Variants in FAM149A observed in about 807,000 individuals in gnomAD.
FAM149A encodes protein FAM149A.
FAM149A carries 71 observed loss-of-function variants against 78.2 expected under a neutral mutation model. The observed-to-expected ratio is 0.91, with a 90% CI of 0.75 to 1.11. The LOEUF (loss-of-function observed/expected upper bound fraction) is 1.11, where lower values mean the gene tolerates loss of function less well. Among genes scored for constraint, FAM149A ranks in the 50% least tolerant of loss-of-function variants. FAM149A has a pLI of 0.00. For missense variants in FAM149A, 1,036 were observed against 971.0 expected (o/e 1.07, Z -0.89); for synonymous variants, 446 against 410.5 (o/e 1.09, Z -1.04).
intron 1 of FAM149A, among the ~76,000 whole-genome samples, chr4:186,108,495 T>C (rs968807956): frequency 1.3e-5 from 2 of 152,156 alleles, no homozygotes; most frequent in Admixed American, 6.5e-5. Context: ...TTTAGAGGCT[T>C]TTTTCCAAGC....
At position 186,152,012 on chromosome 4, in the gene FAM149A, G is replaced by A. The variant is rs1437667655; in HGVS notation, c.899G>A (p.Cys300Tyr). The change falls in exon 4 of 14, where the codon TGC becomes TAC. Residue 300 changes from cysteine to tyrosine, a missense_variant. By Grantham distance (194) the Cys-to-Tyr change is radical. This residue lies in a region of FAM149A where 716 missense variants were observed against 711.8 expected (regional missense o/e 1.01). Transcript: ENST00000389354. ...CAGACCCAGAGTCTGCTGGCCGAAT[G>A]CGGGGAGTGGACAAGAAGATCCCTC... 6.2e-7 allele frequency: 1 copy of A among 1,614,144 alleles called. No individual in the cohort carries two copies.
At chr4:186,111,877 G>A (rs2099311439) in intron 1 of FAM149A, among the ~76,000 whole-genome samples, 2 of 151,694 alleles carry the variant, frequency 1.3e-5, no homozygotes, top group African/African-American at 4.9e-5. Context: ...TTGGCGATGT[G>A]GGCTCTTTTT....
chr4:186,117,584 A>C, intron 1 of FAM149A: 1 of 985,418 alleles, frequency 1.0e-6, no homozygotes, highest in Non-Finnish European at 1.2e-6. Context: ...AAGCAGTGTG[A>C]GCAAAGCCGT....
intron 3 of FAM149A, among the ~76,000 whole-genome samples, chr4:186,150,676 C>T (rs1305909935): frequency 2.7e-5 from 4 of 148,220 alleles, no homozygotes; most frequent in African/African-American, 7.5e-5. Context: ...GTCTCGGCCT[C>T]CCAAAGTGCT....
In FAM149A at chr4:186,129,721, A is replaced by G. The variant is rs146895241; in HGVS notation, c.567-19452A>G. On this transcript the variant is annotated intron_variant, in intron 1 of 13. Coordinates refer to ENST00000389354, the MANE Select transcript of FAM149A (RefSeq NM_001367768.3). ...CAGTCTGCTATACCAAGCAAATACA[A>G]TCCTCTTTGAACTTAAGCTGCAAGC... is the stretch of plus-strand genomic sequence containing the variant. Among the ~76,000 whole-genome samples the G allele has an allele frequency of 1.7e-3, 254 of 152,282 alleles. 2 individuals carry two copies. Among genetic ancestry groups the G allele is most frequent in the African/African-American group, 5.7e-3 (238 of 41,548 alleles).
At chr4:186,116,834 A>C (rs751053505) in intron 1 of FAM149A, 5 of 878,820 alleles carry the variant, frequency 5.7e-6, no homozygotes, top group Non-Finnish European at 6.8e-6. Flanking sequence ...GTTCTTATCC[A>C]ACAAGCATGG....
At chr4:186,166,083 G>A (rs776585829) in intron 11 of FAM149A, among the ~76,000 whole-genome samples, 25 of 151,820 alleles carry the variant, frequency 1.6e-4, no homozygotes, top group Non-Finnish European at 2.9e-4. Context: ...TCAGGTCTGC[G>A]GGGGGTGTGC....
At chr4:186,125,790 C>T in intron 1 of FAM149A, 1 of 985,324 alleles carries the variant, frequency 1.0e-6, no homozygotes, top group Non-Finnish European at 1.2e-6. Context: ...AAGCTGGGGC[C>T]ATGAATACCC....
intron 1 of FAM149A, chr4:186,127,579 T>C (rs1706149): frequency 1 from 983,981 of 985,498 alleles, 491,252 homozygotes; most frequent in East Asian, 1. Flanking sequence ...CGAGAAGCAG[T>C]TTCATGAGTG....
At chr4:186,170,002 A>G (rs1305566515) in intron 13 of FAM149A, 3 of 916,182 alleles carry the variant, frequency 3.3e-6, no homozygotes, top group Non-Finnish European at 2.6e-6. Flanking sequence ...TTAATGCTTC[A>G]AAGTTCATCC....
chr4:186,104,967 T>C lies in FAM149A; in HGVS notation c.-110T>C. The C allele has an allele frequency of 8.5e-7, 1 of 1,181,316 alleles. No individual in the cohort carries two copies. The highest frequency in any genetic ancestry group is 1.1e-6 in the Non-Finnish European group (1 of 942,638). The allele number at this position is 1,181,316 out of a possible 1,614,324, so 73.2% of individuals were successfully genotyped here. A position where few individuals can be genotyped will look rare whatever the true frequency, so the allele number is the denominator to read the frequency against. On this transcript the variant is annotated 5_prime_UTR_variant, in exon 1 of 14. Coordinates refer to ENST00000389354, the MANE Select transcript of FAM149A (RefSeq NM_001367768.3). ...AGAGGGAGCCAGGGGCCTCCGGGGC[T>C]CCGGGTGCGGGGACCTCAGGCTCCT... is the stretch of plus-strand genomic sequence containing the variant.
At chr4:186,124,773 ATACCCAG>A (rs1248733304) in intron 1 of FAM149A, among the ~76,000 whole-genome samples, 2 of 152,200 alleles carry the variant, frequency 1.3e-5, no homozygotes, top group Non-Finnish European at 2.9e-5. Flanking sequence ...CTTTGGGTAT[ATACCCAG>A]TAATGGGATG....
In FAM149A at chr4:186,165,455, C is replaced by T; in HGVS notation, c.2001C>T (p.Arg667=). 2.5e-6 allele frequency: 4 copies of T among 1,614,144 alleles called. No homozygotes were observed. Among genetic ancestry groups the T allele is most frequent in the Middle Eastern group, 1.7e-4 (1 of 6,060 alleles). The change falls in exon 11 of 14, where the codon CGC becomes CGT. Residue 667 remains arginine, a synonymous_variant. Coordinates refer to ENST00000389354, the MANE Select transcript of FAM149A (RefSeq NM_001367768.3). ...AGAATACAGCAGTTCCTGGATGCCG[C>T]CTTGTTTCTGTAAGACAGATTTCAT...
At chr4:186,154,865 C>G in intron 6 of FAM149A, 1 of 985,382 alleles carries the variant, frequency 1.0e-6, no homozygotes, top group Non-Finnish European at 1.2e-6. Context: ...GCAGACAAGG[C>G]TCCTCGCAGC....
intron 1 of FAM149A, among the ~76,000 whole-genome samples, chr4:186,111,809 T>C (rs1431097377): frequency 1.3e-5 from 2 of 151,298 alleles, no homozygotes; most frequent in East Asian, 3.9e-4. Flanking sequence ...CCTTGTAGTA[T>C]AGTTTGAAGT....
chr4:186,161,562 G>A (rs1734611081), intron 8 of FAM149A, among the ~76,000 whole-genome samples: 2 of 152,168 alleles, frequency 1.3e-5, no homozygotes, highest in Non-Finnish European at 2.9e-5. Context: ...TAGGCAGTAT[G>A]AATATCACAC....
chr4:186,169,652 A>G, intron 13 of FAM149A: 1 of 985,432 alleles, frequency 1.0e-6, no homozygotes, highest in Non-Finnish European at 1.2e-6. Flanking sequence ...GAGTGGATTC[A>G]TGGTGACACC....
intron 1 of FAM149A, among the ~76,000 whole-genome samples, chr4:186,143,700 T>C (rs1732733919): frequency 6.6e-6 from 1 of 152,050 alleles, no homozygotes; most frequent in African/African-American, 2.4e-5. Flanking sequence ...CAGCTAATTT[T>C]TGTATTTTTA....
At chr4:186,131,635 T>C (rs2099320786) in intron 1 of FAM149A, among the ~76,000 whole-genome samples, 1 of 152,220 alleles carries the variant, frequency 6.6e-6, no homozygotes, top group Non-Finnish European at 1.5e-5. Flanking sequence ...CTGTATATCC[T>C]TACAGAAGTG....
Sources: gnomAD v4.1 joint callset for allele counts (sites outside exome capture counted in the v4.1 genomes callset) on GRCh38, gnomAD v4.1.1 for gene constraint, gnomAD v4.1.1 regional missense constraint, MANE v1.5 for transcripts, NCBI Gene and HGNC (gene_info 2026-07-23, HGNC 2026-07-21) for gene names.